Variants in FLNB observed in about 807,000 individuals in gnomAD.
FLNB encodes the protein filamin-B.
FLNB carries 111 observed loss-of-function variants against 250.6 expected under a neutral mutation model. The observed-to-expected ratio is 0.44, with a 90% CI of 0.38 to 0.52. FLNB has a LOEUF of 0.52. FLNB is among the 20% of genes least tolerant of loss of function. The pLI, the probability that FLNB is intolerant of heterozygous loss-of-function variation, is 0.00. For missense variants in FLNB, 2,869 were observed against 3,447.8 expected (o/e 0.83, Z 4.20); for synonymous variants, 1,302 against 1,372.1 (o/e 0.95, Z 1.13).
intron 24 of FLNB, among the ~76,000 whole-genome samples, chr3:58,128,263 ACTCACTCTCT>A (rs1439577099): frequency 1.3e-5 from 2 of 151,830 alleles, no homozygotes. Flanking sequence ...ACACACTCAC[ACTCACTCTCT>A]CTCACACTGA....
At chr3:58,030,937 G>A (rs1183245960) in intron 1 of FLNB, among the ~76,000 whole-genome samples, 1 of 152,130 alleles carries the variant, frequency 6.6e-6, no homozygotes, top group East Asian at 1.9e-4. Context: ...CACCTACTGT[G>A]TATCCACAAA....
At chr3:58,079,857 A>G (rs2097206793) in intron 3 of FLNB, among the ~76,000 whole-genome samples, 1 of 152,166 alleles carries the variant, frequency 6.6e-6, no homozygotes. Context: ...TGGCGTCACT[A>G]TAGGCTGCAT....
intron 23 of FLNB, among the ~76,000 whole-genome samples, chr3:58,126,170 A>T (rs1035587160): frequency 2.0e-5 from 3 of 152,230 alleles, no homozygotes; most frequent in Non-Finnish European, 4.4e-5. Context: ...TGAGGCCAGG[A>T]GTTTGAGACC....
chr3:58,112,370 A>G (rs939730708), intron 18 of FLNB, 52 bp downstream of exon 18: 1 of 1,559,774 alleles, frequency 6.4e-7, no homozygotes, highest in South Asian at 1.1e-5. Flanking sequence ...GCCCCTTTCT[A>G]TGCAGTCGGT....
At chr3:58,105,788 C>T (rs2097258559) in intron 11 of FLNB, among the ~76,000 whole-genome samples, 1 of 152,178 alleles carries the variant, frequency 6.6e-6, no homozygotes, top group Admixed American at 6.5e-5. Context: ...TCCAGTAAAA[C>T]TTTATTTGCA....
chr3:58,155,066 C>A, intron 40 of FLNB, 138 bp downstream of exon 40: 1 of 869,412 alleles, frequency 1.2e-6, no homozygotes. Context: ...TCCTAGAAAT[C>A]CAGTTGCAAG....
intron 1 of FLNB, among the ~76,000 whole-genome samples, chr3:58,053,536 C>T: frequency 6.6e-6 from 1 of 152,250 alleles, no homozygotes; most frequent in Non-Finnish European, 1.5e-5. Flanking sequence ...TCTCAGCTCA[C>T]TGCAACCTCT....
intron 41 of FLNB, among the ~76,000 whole-genome samples, chr3:58,158,055 C>T (rs2097355966): frequency 7.4e-6 from 1 of 135,724 alleles, no homozygotes; most frequent in African/African-American, 2.7e-5. Context: ...AGGCATGTAT[C>T]GTTTTGTCTT....
intron 4 of FLNB, among the ~76,000 whole-genome samples, chr3:58,091,735 G>T (rs1050924666): frequency 6.6e-6 from 1 of 152,128 alleles, no homozygotes; most frequent in Non-Finnish European, 1.5e-5. Context: ...TGGCCTTTAT[G>T]TGCTGTTGAG....
chr3:58,171,001 G>A lies in FLNB; in HGVS notation c.*239G>A, dbSNP rs1357284695. The stretch of plus-strand genomic sequence containing the variant: ...TGAGAAGATCCTGAGTACACTAGGT[G>A]CAAACCAGAACTCTTGGTGGAACAG... On this transcript the variant is annotated 3_prime_UTR_variant, in exon 46 of 46. Coordinates refer to ENST00000295956, the MANE Select transcript of FLNB (RefSeq NM_001457.4). The surrounding 1 kb of genome is among the most constrained non-coding windows in gnomAD (Gnocchi z 5.5). 3.9e-6 allele frequency: 2 copies of A among 513,808 alleles called. No homozygotes were observed. The highest frequency in any genetic ancestry group is 2.1e-5 in the South Asian group (1 of 47,818). The allele number at this position is 513,808 out of a possible 1,614,324, so 31.8% of individuals were successfully genotyped here. A position where few individuals can be genotyped will look rare whatever the true frequency, so the allele number is the denominator to read the frequency against.
intron 32 of FLNB, among the ~76,000 whole-genome samples, chr3:58,144,801 A>C (rs1159805937): frequency 6.6e-6 from 1 of 152,214 alleles, no homozygotes; most frequent in East Asian, 1.9e-4. Context: ...TGCCAGTCTG[A>C]TGGTTGGAAA....
In FLNB at chr3:58,170,594, C is replaced by T. The variant is rs139582437; in HGVS notation, c.7641C>T (p.Ile2547=). 82 of 1,614,098 alleles carry T rather than the reference C, an allele frequency of 5.1e-5. No homozygotes were observed. Among genetic ancestry groups the T allele is most frequent in the African/African-American group, 2.8e-4 (21 of 75,022 alleles). The change falls in exon 46 of 46, where the codon ATC becomes ATT. Residue 2547 remains isoleucine, a synonymous_variant. Coordinates refer to ENST00000295956, the MANE Select transcript of FLNB (RefSeq NM_001457.4). ...CSKAGSNMLL[I]GVHGPTTPCE... ...TCCTAGGCTCCAACATGCTGCTGAT[C>T]GGGGTCCATGGGCCCACCACCCCCT...
chr3:58,058,011 A>T (rs1350749746), intron 1 of FLNB, among the ~76,000 whole-genome samples: 1 of 151,912 alleles, frequency 6.6e-6, no homozygotes, highest in Non-Finnish European at 1.5e-5. Flanking sequence ...CTGGTCTCGA[A>T]CTCCCGACCT....
At chr3:58,112,955 G>C (rs1315313841) in intron 18 of FLNB, among the ~76,000 whole-genome samples, 2 of 152,014 alleles carry the variant, frequency 1.3e-5, no homozygotes, top group Non-Finnish European at 2.9e-5. Flanking sequence ...GATTATTTCA[G>C]GCCATAAGGG....
At chr3:58,129,328 C>G (rs1013785956) in intron 24 of FLNB, among the ~76,000 whole-genome samples, 1 of 152,098 alleles carries the variant, frequency 6.6e-6, no homozygotes, top group Non-Finnish European at 1.5e-5. Context: ...AGGGGAGTGG[C>G]GGATAATGCT....
intron 12 of FLNB, 105 bp from the exon 13 acceptor site, chr3:58,108,353 C>T (rs1357174656): frequency 2.6e-6 from 2 of 755,822 alleles, no homozygotes; most frequent in East Asian, 5.3e-5. Flanking sequence ...TAAAACCAGA[C>T]ACAGGTCATT....
At chr3:58,120,001 C>T (rs2097285755) in intron 19 of FLNB, among the ~76,000 whole-genome samples, 1 of 152,250 alleles carries the variant, frequency 6.6e-6, no homozygotes, top group Non-Finnish European at 1.5e-5. Context: ...TACCTCAGGG[C>T]TCACATTCAC....
chr3:58,147,559 A>G lies in FLNB; in HGVS notation c.5728+566A>G, dbSNP rs377455427. Among the ~76,000 whole-genome samples, 47 of 152,378 alleles carry G rather than the reference A, an allele frequency of 3.1e-4. No individual in the cohort carries two copies. The South Asian group carries it at 4.1e-3, about 13-fold the overall frequency. On this transcript the variant is annotated intron_variant, in intron 34 of 45. Coordinates refer to ENST00000295956, the MANE Select transcript of FLNB (RefSeq NM_001457.4). ...CCACCGTATTTAGACCTGTCTGTGA[A>G]GCAGCCAGTAGTACTGTGTGGAATG...
chr3:58,101,243 G>A (rs1381946048), intron 8 of FLNB, among the ~76,000 whole-genome samples: 1 of 152,114 alleles, frequency 6.6e-6, no homozygotes, highest in Non-Finnish European at 1.5e-5. Flanking sequence ...TTCCGTCTGT[G>A]GAGTAGAGTC....
Sources: allele counts gnomAD v4.1 joint callset (sites outside exome capture counted in the v4.1 genomes callset), GRCh38; gene constraint gnomAD v4.1.1; non-coding constraint Gnocchi (gnomAD v3.1); transcripts MANE v1.5; gene names NCBI Gene and HGNC (gene_info 2026-07-23, HGNC 2026-07-21).